Variants in ANKRD11 observed in about 807,000 individuals in gnomAD.
ANKRD11 encodes the protein ankyrin repeat domain 11.
ANKRD11 carries 17 observed loss-of-function variants against 195.7 expected under a neutral mutation model. The ratio of observed to expected loss-of-function variants is 0.09; its 90% CI spans 0.06 to 0.13. The LOEUF (loss-of-function observed/expected upper bound fraction) is 0.13, where lower values mean the gene tolerates loss of function less well. ANKRD11 is among the 10% of genes least tolerant of loss of function. The pLI is 1.00. For synonymous variants in ANKRD11, 1,953 were observed against 1,528.1 expected (o/e 1.28, Z -6.49); for missense variants, 3,735 against 3,566.1 (o/e 1.05, Z -1.21).
At chr16:89,300,488 G>A (rs2035782149) in intron 4 of ANKRD11, 2 of 215,236 alleles carry the variant, frequency 9.3e-6, no homozygotes, top group Non-Finnish European at 9.3e-6. Context: ...GCTGCACTCT[G>A]CTCTCTCTGC....
At chr16:89,272,887 A>C (rs866495261) in intron 11 of ANKRD11, 1 of 152,214 alleles carries the variant, frequency 6.6e-6, no homozygotes, top group African/African-American at 2.4e-5. Flanking sequence ...GTTAAGTGAA[A>C]TAAGCATACA....
chr16:89,462,048 CCCTCTCCCTCTCCCT>C (rs1483201739), intron 1 of ANKRD11, among the ~76,000 whole-genome samples: 2 of 106,944 alleles, frequency 1.9e-5, no homozygotes, highest in Non-Finnish European at 4.3e-5. Flanking sequence ...CTCCCTCTCC[CCCTCTCCCTCTCCCT>C]CTCTCCCTCT....
intron 2 of ANKRD11, among the ~76,000 whole-genome samples, chr16:89,387,431 G>A (rs1429843886): frequency 6.6e-6 from 1 of 151,988 alleles, no homozygotes; most frequent in African/African-American, 2.4e-5. Flanking sequence ...CCAGCACTTT[G>A]GGAGGCTGAG....
intron 1 of ANKRD11, among the ~76,000 whole-genome samples, chr16:89,456,250 G>C (rs77104074): frequency 0.027 from 4,115 of 149,932 alleles, 196 homozygotes; most frequent in African/African-American, 0.094. Context: ...AAAAAAAAAA[G>C]GGGGGGTGGA....
At chr16:89,357,017 A>G (rs898736376) in intron 2 of ANKRD11, among the ~76,000 whole-genome samples, 1 of 152,160 alleles carries the variant, frequency 6.6e-6, no homozygotes, top group African/African-American at 2.4e-5. Flanking sequence ...TCCCAATGCT[A>G]ATGGTTCAAC....
intron 2 of ANKRD11, among the ~76,000 whole-genome samples, chr16:89,334,213 G>C (rs1173281361): frequency 7.0e-6 from 1 of 142,448 alleles, no homozygotes; most frequent in African/African-American, 2.7e-5. Flanking sequence ...CTGTTCCCAA[G>C]CTGCGGGCTC....
intron 1 of ANKRD11, among the ~76,000 whole-genome samples, chr16:89,438,634 A>G (rs1217144343): frequency 6.6e-6 from 1 of 152,146 alleles, no homozygotes; most frequent in Non-Finnish European, 1.5e-5. Flanking sequence ...TGCCCATCCA[A>G]GAAAATTTTC....
At position 89,274,800 on chromosome 16, in the gene ANKRD11, C is replaced by T. The variant is rs1461068266; in HGVS notation, c.7713+14G>A. On this transcript the variant is annotated intron_variant, in intron 11 of 12. Transcript: ENST00000301030. ...CACTTGGACTCATGGGCCTGGCATG[C>T]AGACGGGCCCTACCTGGCTCTCCAG... 1.9e-6 allele frequency: 3 copies of T among 1,608,202 alleles called. No homozygotes were observed. The highest frequency in any genetic ancestry group is 2.2e-5 in the South Asian group (2 of 90,996).
intron 3 of ANKRD11, among the ~76,000 whole-genome samples, chr16:89,314,734 G>A (rs1470163860): frequency 6.6e-6 from 1 of 152,180 alleles, no homozygotes; most frequent in Admixed American, 6.5e-5. Context: ...ACCAGGCACA[G>A]AGAACAGGAG....
chr16:89,334,188 A>AG (rs1567663381), intron 2 of ANKRD11, among the ~76,000 whole-genome samples: 3 of 149,906 alleles, frequency 2.0e-5, no homozygotes, highest in African/African-American at 7.5e-5. Flanking sequence ...GAGAGAGAGA[A>AG]AGAAAGAAAA....
chr16:89,310,626 ATTTTGCAGCTTTCAGGGTACAGG>A, intron 3 of ANKRD11, among the ~76,000 whole-genome samples: 1 of 152,188 alleles, frequency 6.6e-6, no homozygotes, highest in Non-Finnish European at 1.5e-5. Flanking sequence ...TCTCAGGAAT[ATTTTGCAGCTTTCAGGGTACAGG>A]TTTTGCAGCA....
intron 2 of ANKRD11, 37 bp from the exon 3 acceptor site, chr16:89,317,115 A>G (rs1472804796): frequency 7.2e-7 from 1 of 1,379,698 alleles, no homozygotes; most frequent in Non-Finnish European, 1.0e-6. Flanking sequence ...CTGAATTCAG[A>G]GGCAGCTCAA....
intron 1 of ANKRD11, among the ~76,000 whole-genome samples, chr16:89,485,341 A>C (rs997081719): frequency 1.3e-5 from 2 of 151,310 alleles, no homozygotes; most frequent in African/African-American, 4.9e-5. Context: ...AAAAAAAAAA[A>C]ACACTAACTG....
intron 11 of ANKRD11, 188 bp downstream of exon 11, chr16:89,274,626 C>T: frequency 1.2e-6 from 1 of 848,838 alleles, no homozygotes; most frequent in Non-Finnish European, 1.9e-6. Flanking sequence ...CTGCTGTCTG[C>T]TGCAGCCTTC....
intron 9 of ANKRD11, chr16:89,278,350 G>C (rs1007923925): frequency 2.8e-6 from 1 of 360,882 alleles, no homozygotes; most frequent in African/African-American, 2.1e-5. Context: ...CGCGGCCCAG[G>C]GCAGAGAGTG....
At chr16:89,476,081 C>T (rs1425532273) in intron 1 of ANKRD11, among the ~76,000 whole-genome samples, 1 of 150,846 alleles carries the variant, frequency 6.6e-6, no homozygotes, top group Non-Finnish European at 1.5e-5. Context: ...AAGAAAACAA[C>T]TGAGCCAAAC....
rs183975194 is a variant in ANKRD11, at chr16:89,433,547, C to T, written c.-144-15179G>A. Among the ~76,000 whole-genome samples the T allele has an allele frequency of 4.6e-5, 7 of 152,314 alleles. No individual in the cohort carries two copies. In the East Asian group the frequency reaches 7.7e-4, roughly 17 times the overall value. On this transcript the variant is annotated intron_variant, in intron 1 of 12. Transcript: ENST00000301030. ...GGCCTCCCTAAAGGAGCAGCAGGAG[C>T]GCAACAGAGAAGAACAGGGTTGGAC...
chr16:89,487,375 T>G (rs898117753), intron 1 of ANKRD11, among the ~76,000 whole-genome samples: 1 of 152,244 alleles, frequency 6.6e-6, no homozygotes, highest in Non-Finnish European at 1.5e-5. Context: ...ACTGATACTC[T>G]CTAATTATGT....
At chr16:89,481,003 T>C (rs1056603248) in intron 1 of ANKRD11, among the ~76,000 whole-genome samples, 5 of 152,272 alleles carry the variant, frequency 3.3e-5, no homozygotes, top group Admixed American at 3.3e-4. Flanking sequence ...TGACACACAG[T>C]AGGCACAAAA....
Sources: allele counts gnomAD v4.1 joint callset (sites outside exome capture counted in the v4.1 genomes callset), GRCh38; gene constraint gnomAD v4.1.1; transcripts MANE v1.5; gene names NCBI Gene and HGNC (gene_info 2026-07-23, HGNC 2026-07-21).